The following SPHKAP variants were observed in gnomAD, a reference collection of about 807,000 sequenced individuals.
SPHKAP encodes A-kinase anchor protein SPHKAP.
In SPHKAP, 67 loss-of-function variants were observed where a neutral mutation model predicts 137.5. The ratio of observed to expected loss-of-function variants is 0.49; its 90% CI spans 0.40 to 0.60. The LOEUF (loss-of-function observed/expected upper bound fraction) is 0.60, where lower values mean the gene tolerates loss of function less well. Among genes scored for constraint, SPHKAP ranks in the 20% least tolerant of loss-of-function variants. The pLI is 0.00. For missense variants in SPHKAP, 2,097 were observed against 2,069.3 expected (o/e 1.01, Z -0.26); for synonymous variants, 813 against 785.3 (o/e 1.04, Z -0.59).
At chr2:227,982,002 C>A in intron 11 of SPHKAP, 142 bp from the exon 12 acceptor site, 1 of 1,281,894 alleles carries the variant, frequency 7.8e-7, no homozygotes. Flanking sequence ...CCGGGATAAT[C>A]TATTTTCTTT....
At position 228,132,045 on chromosome 2, in the gene SPHKAP, G is replaced by A; in HGVS notation, c.73C>T (p.Gln25Ter). ...SSRMYDVLEP[Q>*]QGRGCGSSGS... ...GAGCTGCCACAGCCTCTGCCCTGCT[G>A]CGGTTCCAAAACGTCATACATCCGT... is the stretch of plus-strand genomic sequence containing the variant. Residue 25 changes from glutamine (Q) to a stop codon, truncating the protein, a stop_gained, in exon 2 of 12, where the codon CAG becomes TAG. Transcript: ENST00000392056. LOFTEE classifies it high-confidence loss of function. 6.2e-7 allele frequency: 1 copy of A among 1,614,060 alleles called. No individual in the cohort carries two copies. The highest frequency in any genetic ancestry group is 8.5e-7 in the Non-Finnish European group (1 of 1,179,982).
chr2:228,058,518 T>A (rs1304902796), intron 3 of SPHKAP, among the ~76,000 whole-genome samples: 1 of 152,158 alleles, frequency 6.6e-6, no homozygotes, highest in Non-Finnish European at 1.5e-5. Flanking sequence ...CCCAGGGTTT[T>A]CTTTCCTCTG....
chr2:228,033,022 A>G (rs1164622029), intron 3 of SPHKAP, among the ~76,000 whole-genome samples: 1 of 152,220 alleles, frequency 6.6e-6, no homozygotes, highest in Non-Finnish European at 1.5e-5. Context: ...ATATACACAC[A>G]TAACAATATT....
chr2:228,087,296 G>A (rs1040027587), intron 3 of SPHKAP, among the ~76,000 whole-genome samples: 1 of 152,052 alleles, frequency 6.6e-6, no homozygotes, highest in Non-Finnish European at 1.5e-5. Context: ...ACAAAACAAG[G>A]CCTAGAGAGA....
At position 228,134,972 on chromosome 2, in the gene SPHKAP, G is replaced by A. The variant is rs567992634; in HGVS notation, c.33-2887C>T. Among the ~76,000 whole-genome samples, 89 of 152,182 alleles carry A rather than the reference G, an allele frequency of 5.8e-4. 1 individual carries two copies. In the South Asian group the frequency reaches 0.018, roughly 31 times the overall value. On this transcript the variant is annotated intron_variant, in intron 1 of 11. Transcript: ENST00000392056. Reference sequence around the variant, plus strand: ...AGGCCGCTCCTTCCAGATATGAAACGTCGTAGAAAGACCACTTCAAGGCCG... The same window carrying A: ...AGGCCGCTCCTTCCAGATATGAAACATCGTAGAAAGACCACTTCAAGGCCG...
At chr2:228,007,271 A>G (rs1398811492) in intron 7 of SPHKAP, among the ~76,000 whole-genome samples, 1 of 152,194 alleles carries the variant, frequency 6.6e-6, no homozygotes, top group Non-Finnish European at 1.5e-5. Context: ...GAATGATTAA[A>G]TTGGGGTAAT....
At chr2:228,144,267 G>C (rs1429327318) in intron 1 of SPHKAP, among the ~76,000 whole-genome samples, 2 of 152,038 alleles carry the variant, frequency 1.3e-5, no homozygotes, top group African/African-American at 4.8e-5. Flanking sequence ...TTTGTTTCCT[G>C]TGTTTATTAT....
intron 7 of SPHKAP, among the ~76,000 whole-genome samples, chr2:228,013,703 G>A (rs1188304838): frequency 2.6e-5 from 4 of 152,182 alleles, no homozygotes; most frequent in Admixed American, 1.3e-4. Context: ...AAACCTTAAA[G>A]ATCCTCTTAT....
At chr2:228,066,680 A>G (rs775679299) in intron 3 of SPHKAP, among the ~76,000 whole-genome samples, 2 of 152,314 alleles carry the variant, frequency 1.3e-5, no homozygotes, top group Non-Finnish European at 2.9e-5. Flanking sequence ...ATGTTGCTCA[A>G]CAGTGACAAA....
intron 3 of SPHKAP, among the ~76,000 whole-genome samples, chr2:228,047,713 T>C (rs1331663687): frequency 5.9e-5 from 9 of 152,178 alleles, no homozygotes; most frequent in Non-Finnish European, 1.2e-4. Flanking sequence ...ATGAACGAGA[T>C]GGTCATGGTT....
intron 1 of SPHKAP, among the ~76,000 whole-genome samples, chr2:228,169,336 G>T (rs930910850): frequency 6.6e-6 from 1 of 152,140 alleles, no homozygotes; most frequent in Non-Finnish European, 1.5e-5. Flanking sequence ...CGGCTTCAAA[G>T]CTTCAGAAGA....
intron 3 of SPHKAP, among the ~76,000 whole-genome samples, chr2:228,101,008 T>C (rs981502641): frequency 6.6e-6 from 1 of 152,228 alleles, no homozygotes; most frequent in African/African-American, 2.4e-5. Flanking sequence ...CCGCTTTCTC[T>C]ATCTGCACAT....
At chr2:228,141,640 G>C (rs1473331283) in intron 1 of SPHKAP, among the ~76,000 whole-genome samples, 2 of 149,226 alleles carry the variant, frequency 1.3e-5, no homozygotes, top group East Asian at 4.0e-4. Context: ...AATAACAAAG[G>C]CTTTTTTTAA....
At chr2:228,154,904 T>C (rs895000243) in intron 1 of SPHKAP, among the ~76,000 whole-genome samples, 4 of 151,866 alleles carry the variant, frequency 2.6e-5, no homozygotes, top group Non-Finnish European at 4.4e-5. Flanking sequence ...AAAGGGTTAT[T>C]ATTTAACTCA....
chr2:228,079,692 C>G (rs570974513), intron 3 of SPHKAP, among the ~76,000 whole-genome samples: 9 of 152,324 alleles, frequency 5.9e-5, no homozygotes, highest in African/African-American at 2.2e-4. Flanking sequence ...CCCCTGTGGA[C>G]CTAGGGTTCA....
chr2:228,134,705 C>T (rs1699379577), intron 1 of SPHKAP, among the ~76,000 whole-genome samples: 1 of 152,172 alleles, frequency 6.6e-6, no homozygotes, highest in South Asian at 2.1e-4. Context: ...TATATGACTC[C>T]TTCTAGGAGC....
intron 3 of SPHKAP, among the ~76,000 whole-genome samples, chr2:228,068,241 T>C (rs1484547642): frequency 1.3e-5 from 2 of 151,762 alleles, no homozygotes; most frequent in African/African-American, 2.4e-5. Context: ...ACACTAAAAA[T>C]AAAAAGCCAG....
At chr2:228,175,115 A>C (rs1457917553) in intron 1 of SPHKAP, among the ~76,000 whole-genome samples, 1 of 152,054 alleles carries the variant, frequency 6.6e-6, no homozygotes, top group African/African-American at 2.4e-5. Context: ...TCTAGAAGGA[A>C]AAGAGAAAAG....
At chr2:228,166,375 A>G (rs775651348) in intron 1 of SPHKAP, among the ~76,000 whole-genome samples, 1 of 152,176 alleles carries the variant, frequency 6.6e-6, no homozygotes, top group Non-Finnish European at 1.5e-5. Flanking sequence ...ATTTAGTATG[A>G]CACCTAGACC....
Sources: gnomAD v4.1 joint callset for allele counts (sites outside exome capture counted in the v4.1 genomes callset) on GRCh38, gnomAD v4.1.1 for gene constraint, MANE v1.5 for transcripts, NCBI Gene and HGNC (gene_info 2026-07-23, HGNC 2026-07-21) for gene names.